The following MCCC1 variants were observed in gnomAD, a reference collection of about 807,000 sequenced individuals.
The protein encoded by MCCC1 is methylcrotonoyl-CoA carboxylase subunit alpha, mitochondrial.
A neutral mutation model predicts 83.8 loss-of-function variants in MCCC1; 64 were observed. The observed-to-expected ratio is 0.76, with a 90% CI of 0.62 to 0.94. MCCC1 has a LOEUF of 0.94. Among genes scored for constraint, MCCC1 ranks in the 40% least tolerant of loss-of-function variants. The pLI, the probability that MCCC1 is intolerant of heterozygous loss-of-function variation, is 0.00. For synonymous variants in MCCC1, 322 were observed against 315.4 expected (o/e 1.02, Z -0.22); for missense variants, 807 against 904.7 (o/e 0.89, Z 1.39).
At chr3:183,029,483 T>C (rs1307828017) in intron 14 of MCCC1, among the ~76,000 whole-genome samples, 6 of 152,188 alleles carry the variant, frequency 3.9e-5, no homozygotes, top group Non-Finnish European at 8.8e-5. Flanking sequence ...CCTTGCCTCA[T>C]CCTCCTTTGT....
intron 12 of MCCC1, among the ~76,000 whole-genome samples, chr3:183,038,791 T>C (rs1713828223): frequency 6.6e-6 from 1 of 152,234 alleles, no homozygotes; most frequent in East Asian, 1.9e-4. Flanking sequence ...CACCGAAGCA[T>C]AGCACTGACA....
At chr3:183,069,478 C>G (rs1018363658) in intron 7 of MCCC1, among the ~76,000 whole-genome samples, 1 of 151,638 alleles carries the variant, frequency 6.6e-6, no homozygotes, top group South Asian at 2.1e-4. Context: ...TTAGAAATGC[C>G]CCCCCCTTTT....
At chr3:183,103,315 G>C (rs1719350209), upstream of MCCC1, among the ~76,000 whole-genome samples, 1 of 152,108 alleles carries the variant, frequency 6.6e-6, no homozygotes, top group Non-Finnish European at 1.5e-5. Context: ...GCTCTGGGCA[G>C]CCTGCTTTTA....
At chr3:183,088,922 C>T (rs541969104) in intron 3 of MCCC1, among the ~76,000 whole-genome samples, 7 of 152,188 alleles carry the variant, frequency 4.6e-5, no homozygotes, top group East Asian at 1.9e-4. Flanking sequence ...TAGGTTATAA[C>T]GGCAAAAAAC....
intron 13 of MCCC1, 56 bp downstream of exon 13, chr3:183,037,162 T>G: frequency 6.5e-7 from 1 of 1,535,090 alleles, no homozygotes; most frequent in Non-Finnish European, 9.0e-7. Flanking sequence ...GAAAAGCATG[T>G]TCAATGATGA....
At chr3:183,098,763 A>G (rs903523257) in intron 1 of MCCC1, 6 of 155,700 alleles carry the variant, frequency 3.9e-5, no homozygotes, top group Admixed American at 3.7e-4. Flanking sequence ...CTTGGGTACA[A>G]GAGTTTTTGA....
intron 4 of MCCC1, among the ~76,000 whole-genome samples, chr3:183,073,863 C>G (rs1012039419): frequency 3.3e-5 from 5 of 152,124 alleles, no homozygotes; most frequent in Non-Finnish European, 7.3e-5. Context: ...CATTTTGGGG[C>G]CATGATTTAA....
At position 183,021,713 on chromosome 3, in the gene MCCC1, T is replaced by C. The variant is rs546417364; in HGVS notation, c.1869+704A>G. Among the ~76,000 whole-genome samples, 11 of 152,292 alleles carry C rather than the reference T, an allele frequency of 7.2e-5. 1 individual carries two copies. In the South Asian group the frequency reaches 2.1e-3, roughly 29 times the overall value. On this transcript the variant is annotated intron_variant, in intron 16 of 18. Transcript: ENST00000265594. ...CTATCATCATATTACTGTAGCGTAATTGGCTATGGAAAGGAATGCCTGGCA... is the reference window on the plus strand; with the variant it reads ...CTATCATCATATTACTGTAGCGTAACTGGCTATGGAAAGGAATGCCTGGCA...
intron 2 of MCCC1, among the ~76,000 whole-genome samples, chr3:183,093,663 A>T (rs560269408): frequency 3.4e-4 from 50 of 146,056 alleles, no homozygotes; most frequent in Admixed American, 1.6e-3. Context: ...TTCTCCTTTT[A>T]AAAAAAAAAA....
intron 1 of MCCC1, among the ~76,000 whole-genome samples, chr3:183,111,288 T>C (rs1719488399): frequency 6.6e-6 from 1 of 152,092 alleles, no homozygotes; most frequent in African/African-American, 2.4e-5. Flanking sequence ...ATTAAATAAG[T>C]TATGTCAAAT....
chr3:183,108,048 A>G (rs1719434701), intron 1 of MCCC1, among the ~76,000 whole-genome samples: 1 of 152,234 alleles, frequency 6.6e-6, no homozygotes, highest in South Asian at 2.1e-4. Flanking sequence ...TAAATGAGGA[A>G]GTACGTTGAT....
rs1192813486 is a variant in MCCC1, at chr3:183,113,210, G to A, written c.-102+2264C>T. 3.5e-5 allele frequency among the ~76,000 whole-genome samples: 5 copies of A among 144,438 alleles called. No homozygotes were observed. The East Asian group carries it at 6.1e-4, about 18-fold the overall frequency. The allele number at this position is 144,438 out of a possible 152,430, so 94.8% of individuals were successfully genotyped here. A position where few individuals can be genotyped will look rare whatever the true frequency, so the allele number is the denominator to read the frequency against. On this transcript the variant is annotated intron_variant, in intron 1 of 17. Coordinates refer to the MCCC1 transcript ENST00000492597. ...CTGCACTCCAGCCTGGTGACAGAGC[G>A]AGACTCCATCTCAAAAAAAAAAAAA...
At chr3:183,054,386 A>G (rs1204077462) in intron 8 of MCCC1, among the ~76,000 whole-genome samples, 1 of 149,820 alleles carries the variant, frequency 6.7e-6, no homozygotes, top group Non-Finnish European at 1.5e-5. Flanking sequence ...ACGGGGTTTC[A>G]CTGTGTTAGC....
chr3:183,066,197 G>T (rs931878131), intron 7 of MCCC1, among the ~76,000 whole-genome samples: 1 of 152,164 alleles, frequency 6.6e-6, no homozygotes, highest in African/African-American at 2.4e-5. Context: ...ATGCAACAGA[G>T]GTAACCAAAT....
At chr3:183,083,042 A>G (rs1229566959) in intron 4 of MCCC1, among the ~76,000 whole-genome samples, 1 of 152,188 alleles carries the variant, frequency 6.6e-6, no homozygotes. Flanking sequence ...GTTTCTCAAT[A>G]TAGCCATATC....
Position 183,071,052 on chromosome 3 carries a change from CTT to C in MCCC1, c.706_707del (p.Lys236GlufsTer5). 1 of 1,614,206 alleles carries C rather than the reference CTT, an allele frequency of 6.2e-7. No individual in the cohort carries two copies. Among genetic ancestry groups the C allele is most frequent in the Non-Finnish European group, 8.5e-7 (1 of 1,180,034 alleles). ...GCATAGCATCATCATTGAAAGACTT[CTT>C]AGCTTCTCTCCGTGCTGACTCTAAC... The part of the protein sequence containing the change: ...EQLESARREA[K>X]KSFNDDAMLI... On this transcript the variant is annotated frameshift_variant, in exon 7 of 19. Transcript: ENST00000265594. LOFTEE classifies it high-confidence loss of function.
At chr3:183,015,929 T>TTTG (rs934012109) in intron 18 of MCCC1, among the ~76,000 whole-genome samples, 4 of 151,654 alleles carry the variant, frequency 2.6e-5, no homozygotes, top group East Asian at 1.9e-4. Context: ...TTTTTTGTTT[T>TTTG]TTGTTGTTGT....
chr3:183,036,479 A>G (rs1713600713), intron 13 of MCCC1, among the ~76,000 whole-genome samples: 1 of 151,982 alleles, frequency 6.6e-6, no homozygotes, highest in Non-Finnish European at 1.5e-5. Context: ...AAGAAGTGAT[A>G]AGAAATTAGT....
At chr3:183,021,105 C>T (rs908119181) in intron 16 of MCCC1, among the ~76,000 whole-genome samples, 1 of 152,158 alleles carries the variant, frequency 6.6e-6, no homozygotes, top group Admixed American at 6.6e-5. Context: ...CAACAAGTAG[C>T]CACTGTCTGG....
Sources: gnomAD v4.1 joint callset for allele counts (sites outside exome capture counted in the v4.1 genomes callset) on GRCh38, gnomAD v4.1.1 for gene constraint, MANE v1.5 for transcripts, NCBI Gene and HGNC (gene_info 2026-07-23, HGNC 2026-07-21) for gene names.